Variants in GDAP1 observed in about 807,000 individuals in gnomAD.
GDAP1 encodes ganglioside induced differentiation associated protein 1.
A neutral mutation model predicts 40.1 loss-of-function variants in GDAP1; 34 were observed. That is an observed-to-expected ratio of 0.85 (90% CI 0.64 to 1.13). GDAP1 has a LOEUF of 1.13. Among genes scored for constraint, GDAP1 ranks in the 50% most tolerant of loss-of-function variants. The pLI is 0.00. For synonymous variants in GDAP1, 170 were observed against 157.4 expected, an observed-to-expected ratio of 1.08 and a Z score of -0.60; for missense variants, 374 against 433.7, an observed-to-expected ratio of 0.86 and a Z score of 1.22.
intron 2 of GDAP1, among the ~76,000 whole-genome samples, chr8:74,423,014 C>G (rs1805898815): frequency 6.8e-6 from 1 of 147,680 alleles, no homozygotes; most frequent in Non-Finnish European, 1.5e-5. Flanking sequence ...AAAATAGTAT[C>G]TATTTTATAT....
intron 4 of GDAP1, 44 bp from the exon 5 acceptor site, chr8:74,362,895 G>T: frequency 1.4e-6 from 1 of 733,856 alleles, no homozygotes; most frequent in Non-Finnish European, 2.4e-6. Context: ...TTTTTTTAAA[G>T]GTGCAAATAA....
At position 74,417,616 on chromosome 8, in the gene GDAP1, G is replaced by C. The variant is rs1022878540; in HGVS notation, c.165+66295G>C. 4.7e-5 allele frequency among the ~76,000 whole-genome samples: 7 copies of C among 149,516 alleles called. 1 individual carries two copies. Among genetic ancestry groups the C allele is most frequent in the African/African-American group, 1.8e-4 (7 of 39,026 alleles). Reference sequence around the variant, plus strand: ...TACTAAAAATACAAAAATTAGCTGGGTGTGGTGGCACACACCTGTAAGCCC... The same window carrying C: ...TACTAAAAATACAAAAATTAGCTGGCTGTGGTGGCACACACCTGTAAGCCC... On this transcript the variant is annotated intron_variant, in intron 2 of 2. Coordinates refer to the GDAP1 transcript ENST00000523640.
At chr8:74,440,249 C>G (rs547516092) in intron 2 of GDAP1, among the ~76,000 whole-genome samples, 31 of 152,226 alleles carry the variant, frequency 2.0e-4, no homozygotes, top group African/African-American at 7.2e-4. Flanking sequence ...CTGGAGGATT[C>G]CTTAGCCGCA....
At chr8:74,368,280 C>A (rs767997351), downstream of GDAP1, among the ~76,000 whole-genome samples, 5 of 152,116 alleles carry the variant, frequency 3.3e-5, no homozygotes, top group Non-Finnish European at 5.9e-5. Flanking sequence ...ATAAGTACAG[C>A]TTTTGGTATC....
chr8:74,387,166 GTTTA>G (rs932624749), intron 2 of GDAP1, among the ~76,000 whole-genome samples: 1 of 152,092 alleles, frequency 6.6e-6, no homozygotes, highest in African/African-American at 2.4e-5. Flanking sequence ...TTTGAATACC[GTTTA>G]TTTCTTTCTC....
Position 74,365,616 on chromosome 8 carries a change from G to C in GDAP1, c.*1249G>C, listed in dbSNP as rs1256663741. 2.2e-6 allele frequency: 1 copy of C among 454,410 alleles called. No homozygotes were observed. Among genetic ancestry groups the C allele is most frequent in the South Asian group, 1.6e-5 (1 of 64,472 alleles). The allele number at this position is 454,410 out of a possible 1,614,324, so 28.1% of individuals were successfully genotyped here. A position where few individuals can be genotyped will look rare whatever the true frequency, so the allele number is the denominator to read the frequency against. On this transcript the variant is annotated 3_prime_UTR_variant, in exon 6 of 6. Coordinates refer to ENST00000220822, the MANE Select transcript of GDAP1 (RefSeq NM_018972.4). ...AGAGATGATGTGCCGAGGTCCCAGT[G>C]AACAACAGTAGCCAAAGAATGTACT...
intron 2 of GDAP1, among the ~76,000 whole-genome samples, chr8:74,421,500 C>T (rs1405303742): frequency 6.6e-6 from 1 of 152,060 alleles, no homozygotes; most frequent in Non-Finnish European, 1.5e-5. Flanking sequence ...TCATATTTCC[C>T]CATTTCTAAA....
chr8:74,374,705 A>G (rs1809821978), intron 2 of GDAP1, among the ~76,000 whole-genome samples: 1 of 152,216 alleles, frequency 6.6e-6, no homozygotes, highest in Admixed American at 6.5e-5. Context: ...AAGAAAATTA[A>G]AAATATTAGG....
intron 2 of GDAP1, among the ~76,000 whole-genome samples, chr8:74,427,512 T>C (rs1227243083): frequency 6.6e-6 from 1 of 152,220 alleles, no homozygotes; most frequent in African/African-American, 2.4e-5. Flanking sequence ...GGCAATCATT[T>C]CTTTTGTTAT....
intron 2 of GDAP1, among the ~76,000 whole-genome samples, chr8:74,439,976 T>G (rs1457420140): frequency 6.6e-6 from 1 of 152,202 alleles, no homozygotes; most frequent in African/African-American, 2.4e-5. Flanking sequence ...TTTATTTTTA[T>G]ATATCTACTT....
chr8:74,483,369 T>A (rs1034134169), intron 2 of GDAP1, among the ~76,000 whole-genome samples: 2 of 152,128 alleles, frequency 1.3e-5, no homozygotes, highest in African/African-American at 4.8e-5. Flanking sequence ...ATTAGGTTGG[T>A]GCAAAAGTAA....
At chr8:74,407,219 A>C (rs1026603555) in intron 2 of GDAP1, among the ~76,000 whole-genome samples, 1 of 149,806 alleles carries the variant, frequency 6.7e-6, no homozygotes, top group African/African-American at 2.6e-5. Context: ...ACTTCTTGAG[A>C]CCAGGAGTTC....
chr8:74,415,854 G>A (rs557934738), intron 2 of GDAP1, among the ~76,000 whole-genome samples: 2 of 149,688 alleles, frequency 1.3e-5, no homozygotes, highest in Admixed American at 6.6e-5. Context: ...TCTGGCCAAG[G>A]GGGACTGTGA....
Position 74,381,787 on chromosome 8 carries a change from A to G in GDAP1, c.165+30466A>G, listed in dbSNP as rs188922887. 5.9e-3 allele frequency among the ~76,000 whole-genome samples: 888 copies of G among 151,068 alleles called. 8 individuals carry two copies. Among genetic ancestry groups the G allele is most frequent in the African/African-American group, 0.02 (821 of 41,198 alleles). ...AAAAAAAAAAAAAAAAAGTAAGTAC[A>G]TGTGAAAAAATTTAACACTGAAACT... On this transcript the variant is annotated intron_variant, in intron 2 of 2. Coordinates refer to the GDAP1 transcript ENST00000523640.
At chr8:74,357,835 C>A (rs1277275107) in intron 2 of GDAP1, among the ~76,000 whole-genome samples, 1 of 152,128 alleles carries the variant, frequency 6.6e-6, no homozygotes, top group Non-Finnish European at 1.5e-5. Flanking sequence ...GAAAAAAATT[C>A]TTGCTTTTGG....
At chr8:74,386,127 C>A (rs1288239532) in intron 2 of GDAP1, among the ~76,000 whole-genome samples, 1 of 152,134 alleles carries the variant, frequency 6.6e-6, no homozygotes, top group Non-Finnish European at 1.5e-5. Flanking sequence ...TATTTTCTCC[C>A]ATTCTGTAGG....
chr8:74,414,008 C>T lies in GDAP1; in HGVS notation c.165+62687C>T, dbSNP rs143983416. On this transcript the variant is annotated intron_variant, in intron 2 of 2. Transcript: ENST00000523640. ...ATGTAGACTTTGAGATTCAAACTAT[C>T]GGCTAGATTACTACCAAATTCCGAC... Among the ~76,000 whole-genome samples the T allele has an allele frequency of 5.6e-3, 842 of 150,190 alleles. 5 individuals carry two copies. The highest frequency in any genetic ancestry group is 0.014 in the Middle Eastern group (4 of 294).
intron 2 of GDAP1, among the ~76,000 whole-genome samples, chr8:74,463,160 G>A: frequency 6.9e-5 from 1 of 14,432 alleles, no homozygotes; most frequent in Non-Finnish European, 1.7e-4. Flanking sequence ...ATGACTTCAA[G>A]AATATTTTAG....
rs1420309794 is a variant in GDAP1 at position 74,365,209 on chromosome 8, A to G, written c.*842A>G. The G allele has an allele frequency of 2.2e-6, 1 of 454,096 alleles. No individual in the cohort carries two copies. Among genetic ancestry groups the G allele is most frequent in the South Asian group, 1.6e-5 (1 of 64,476 alleles). The allele number at this position is 454,096 out of a possible 1,614,324, so 28.1% of individuals were successfully genotyped here. On this transcript the variant is annotated 3_prime_UTR_variant, in exon 6 of 6. Transcript: ENST00000220822. ...GTATTTTGATGATCTGGGAGCACCA[A>G]ATATGTTCATTCTTCGTTTGGGGAG...
Sources: allele counts gnomAD v4.1 joint callset (sites outside exome capture counted in the v4.1 genomes callset), GRCh38; gene constraint gnomAD v4.1.1; transcripts MANE v1.5; gene names NCBI Gene and HGNC (gene_info 2026-07-23, HGNC 2026-07-21).